The following DTYMK variants were observed in gnomAD, a reference collection of about 807,000 sequenced individuals.
The protein encoded by DTYMK is deoxythymidylate kinase.
A neutral mutation model predicts 20.3 loss-of-function variants in DTYMK; 20 were observed. The observed-to-expected ratio is 0.99, with a 90% CI of 0.69 to 1.43. DTYMK has a LOEUF of 1.43. Among genes scored for constraint, DTYMK ranks in the 40% most tolerant of loss-of-function variants. DTYMK has a pLI of 0.00. For synonymous variants in DTYMK, 148 were observed against 124.4 expected (o/e 1.19, Z -1.27); for missense variants, 320 against 291.1 (o/e 1.10, Z -0.72).
At chr2:241,685,946 T>G (rs1337787840) in intron 1 of DTYMK, 69 bp from the exon 2 acceptor site, 9 of 1,455,502 alleles carry the variant, frequency 6.2e-6, no homozygotes, top group South Asian at 1.2e-5. Context: ...CAATATAGTT[T>G]GGACTGAATT....
chr2:241,676,471 CCAT>C (rs1351115837), intron 4 of DTYMK, among the ~76,000 whole-genome samples: 9 of 152,328 alleles, frequency 5.9e-5, no homozygotes, highest in South Asian at 2.1e-4. Context: ...CAAAACAACA[CCAT>C]GTTTCGTTCT....
At chr2:241,680,163 G>A (rs1459228057) in intron 3 of DTYMK, 66 bp downstream of exon 3, 17 of 1,465,108 alleles carry the variant, frequency 1.2e-5, no homozygotes, top group Admixed American at 5.2e-5. Context: ...ACTCGTACTC[G>A]CATTCAAGGG....
At chr2:241,680,174 C>T in intron 3 of DTYMK, 55 bp downstream of exon 3, 1 of 1,556,634 alleles carries the variant, frequency 6.4e-7, no homozygotes, top group African/African-American at 1.4e-5. Flanking sequence ...CATTCAAGGG[C>T]AGTCCTGGGT....
Position 241,678,669 on chromosome 2 carries a change from C to G in DTYMK, c.331-20G>C, listed in dbSNP as rs1189330401. 6.2e-7 allele frequency: 1 copy of G among 1,613,490 alleles called. No homozygotes were observed. Among genetic ancestry groups the G allele is most frequent in the South Asian group, 1.1e-5 (1 of 91,040 alleles). ...AAAATTCTGCCAAGAAAGAACCCAA[C>G]AGTTAAAGCTTAGTGTAGTCTAGGT... On this transcript the variant is annotated intron_variant, in intron 3 of 4. Coordinates refer to ENST00000305784, the MANE Select transcript of DTYMK (RefSeq NM_012145.4).
intron 4 of DTYMK, among the ~76,000 whole-genome samples, chr2:241,676,896 A>G (rs1321646857): frequency 1.3e-5 from 2 of 152,246 alleles, no homozygotes; most frequent in Non-Finnish European, 2.9e-5. Flanking sequence ...AAGGTGAGGA[A>G]GTTCCGCAGC....
At chr2:241,677,550 C>T (rs1208694618) in intron 4 of DTYMK, among the ~76,000 whole-genome samples, 1 of 152,246 alleles carries the variant, frequency 6.6e-6, no homozygotes, top group South Asian at 2.1e-4. Context: ...ACAGTGCTGG[C>T]GCCCGACGTG....
chr2:241,683,946 A>G (rs1359047403), intron 2 of DTYMK, among the ~76,000 whole-genome samples: 1 of 152,044 alleles, frequency 6.6e-6, no homozygotes, highest in African/African-American at 2.4e-5. Context: ...AATCCCAGCT[A>G]CTCAGGAGGC....
intron 4 of DTYMK, among the ~76,000 whole-genome samples, chr2:241,677,412 G>A (rs554256648): frequency 2.7e-4 from 41 of 152,344 alleles, no homozygotes; most frequent in African/African-American, 8.9e-4. Flanking sequence ...CCTGCGTTCC[G>A]GGAAACGAAA....
intron 3 of DTYMK, 83 bp downstream of exon 3, chr2:241,680,146 G>A (rs1346864096): frequency 7.9e-7 from 1 of 1,259,004 alleles, no homozygotes; most frequent in Non-Finnish European, 1.1e-6. Context: ...GTAATCTGAG[G>A]CATGTCACTC....
chr2:241,681,650 T>C (rs1043646949), intron 2 of DTYMK, among the ~76,000 whole-genome samples: 2 of 152,258 alleles, frequency 1.3e-5, no homozygotes, highest in Non-Finnish European at 2.9e-5. Context: ...GCAGACTGTT[T>C]AGATACAAAA....
At chr2:241,680,399 G>T in intron 2 of DTYMK, 80 bp from the exon 3 acceptor site, 1 of 1,488,312 alleles carries the variant, frequency 6.7e-7, no homozygotes. Context: ...CCAACAGGCT[G>T]TGCGCAGTGG....
intron 2 of DTYMK, among the ~76,000 whole-genome samples, chr2:241,681,714 A>G (rs2069262420): frequency 6.6e-6 from 1 of 152,202 alleles, no homozygotes; most frequent in East Asian, 1.9e-4. Flanking sequence ...CGAAAATAAT[A>G]ACTTTGTGCT....
At chr2:241,683,327 T>C (rs1158053278) in intron 2 of DTYMK, among the ~76,000 whole-genome samples, 1 of 152,230 alleles carries the variant, frequency 6.6e-6, no homozygotes, top group East Asian at 1.9e-4. Flanking sequence ...TGCAAGATGC[T>C]GCAGCCACTT....
At position 241,675,941 on chromosome 2, in the gene DTYMK, T is replaced by C. The variant is rs569406311; in HGVS notation, c.*186A>G. 533 of 558,030 alleles carry C rather than the reference T, an allele frequency of 9.6e-4. 2 individuals carry two copies. Among genetic ancestry groups the C allele is most frequent in the South Asian group, 4.2e-3 (180 of 42,480 alleles). 34.6% of individuals were successfully genotyped at this position (558,030 alleles called of 1,614,324 possible). A position where few individuals can be genotyped will look rare whatever the true frequency, so the allele number is the denominator to read the frequency against. ...TCTGCTCATGTCCACACTGCCAAGG[T>C]CCCCACCACGGGGGTCCCCAGTGCA... On this transcript the variant is annotated 3_prime_UTR_variant, in exon 5 of 5. Transcript: ENST00000305784.
chr2:241,685,673 C>T (rs1477010005), intron 2 of DTYMK, 96 bp downstream of exon 2: 2 of 1,310,826 alleles, frequency 1.5e-6, no homozygotes, highest in Non-Finnish European at 2.2e-6. Context: ...CCCAGCACTA[C>T]TGTCACTGTC....
intron 1 of DTYMK, among the ~76,000 whole-genome samples, chr2:241,686,395 G>A (rs1462002064): frequency 6.6e-6 from 1 of 152,202 alleles, no homozygotes; most frequent in African/African-American, 2.4e-5. Flanking sequence ...TGGACCGGGC[G>A]CGGTGGCGCG....
At position 241,676,184 on chromosome 2, in the gene DTYMK, G is replaced by A. The variant is rs1393668064; in HGVS notation, c.582C>T (p.Leu194=). ...TGGCAGTGCGGATGGCGTCCTCAGA[G>A]AGCACGCGGATGTCCTCATGGACAG... ...IEAVHEDIRV[L]SEDAIRTATE... is the part of the protein sequence containing the mutation. Residue 194 remains leucine, a synonymous_variant, in exon 5 of 5, where the codon CTC becomes CTT. Transcript: ENST00000305784. 1 of 1,613,260 alleles carries A rather than the reference G, an allele frequency of 6.2e-7. No homozygotes were observed. Among genetic ancestry groups the A allele is most frequent in the Non-Finnish European group, 8.5e-7 (1 of 1,179,774 alleles).
intron 2 of DTYMK, chr2:241,682,316 A>G (rs1450736614): frequency 2.0e-5 from 9 of 439,432 alleles, no homozygotes; most frequent in Admixed American, 2.0e-4. Flanking sequence ...CTCAGCCTGC[A>G]TGACACAGAG....
intron 4 of DTYMK, among the ~76,000 whole-genome samples, chr2:241,678,225 G>C (rs772905138): frequency 4.0e-5 from 6 of 151,888 alleles, no homozygotes; most frequent in African/African-American, 1.5e-4. Flanking sequence ...AGCTGAGATC[G>C]TGCCATTGCA....
Sources: allele counts gnomAD v4.1 joint callset (sites outside exome capture counted in the v4.1 genomes callset), GRCh38; gene constraint gnomAD v4.1.1; transcripts MANE v1.5; gene names NCBI Gene and HGNC (gene_info 2026-07-23, HGNC 2026-07-21).